The following SLC35F4 variants were observed in gnomAD, a reference collection of about 807,000 sequenced individuals.
SLC35F4 encodes the protein chromosome 14 open reading frame 36.
Under a neutral mutation model 44.2 loss-of-function variants are expected in SLC35F4, and 24 were observed. That is an observed-to-expected ratio of 0.54 (90% confidence interval 0.39 to 0.76). SLC35F4 has a LOEUF of 0.76. Ranked by LOEUF, SLC35F4 falls within the 30% of genes least tolerant of loss-of-function variation. SLC35F4 has a pLI of 0.00. For synonymous variants in SLC35F4, 238 were observed against 223.6 expected (o/e 1.06, Z -0.57); for missense variants, 562 against 586.1 (o/e 0.96, Z 0.42).
intron 1 of SLC35F4, among the ~76,000 whole-genome samples, chr14:57,625,553 A>G (rs975367366): frequency 7.9e-5 from 12 of 152,324 alleles, no homozygotes; most frequent in African/African-American, 2.6e-4. Flanking sequence ...TTCAAACTAT[A>G]CTACAAGGCT....
At chr14:57,579,874 A>T (rs575689678) in intron 4 of SLC35F4, among the ~76,000 whole-genome samples, 155 of 152,212 alleles carry the variant, frequency 1.0e-3, no homozygotes, top group African/African-American at 3.6e-3. Flanking sequence ...TTCATTTTGC[A>T]CTGGGCCCCA....
At chr14:57,634,106 C>T (rs1459505585) in intron 1 of SLC35F4, among the ~76,000 whole-genome samples, 1 of 152,104 alleles carries the variant, frequency 6.6e-6, no homozygotes, top group Non-Finnish European at 1.5e-5. Context: ...ACAACCACAA[C>T]CAGCAATGTG....
chr14:57,653,533 T>A (rs1003439433), intron 1 of SLC35F4, among the ~76,000 whole-genome samples: 1 of 152,192 alleles, frequency 6.6e-6, no homozygotes, highest in African/African-American at 2.4e-5. Flanking sequence ...GTGTCCAACC[T>A]TGTAGGAAGA....
intron 1 of SLC35F4, among the ~76,000 whole-genome samples, chr14:57,807,149 T>C (rs887996072): frequency 1.3e-5 from 2 of 152,236 alleles, no homozygotes; most frequent in East Asian, 3.8e-4. Flanking sequence ...ACTTACTCCA[T>C]TTTGAGGAAG....
chr14:57,768,112 G>A (rs1028123366), intron 1 of SLC35F4, among the ~76,000 whole-genome samples: 5 of 152,126 alleles, frequency 3.3e-5, no homozygotes, highest in Non-Finnish European at 5.9e-5. Flanking sequence ...AAATAGAAGA[G>A]GAGGAAATAT....
In SLC35F4 at chr14:57,891,811, G is replaced by T. The variant is rs142692117; in HGVS notation, n.282+90102C>A. On this transcript the variant is annotated intron_variant and non_coding_transcript_variant, in intron 1 of 1. Transcript: ENST00000556568. ...GAATCTCTTGAACCCAGCAGGTGGA[G>T]GTTGCAGTGAGCCAAGATCATGCCA... Among the ~76,000 whole-genome samples the T allele has an allele frequency of 3.6e-3, 546 of 152,252 alleles. 10 individuals are homozygous for T. The highest frequency in any genetic ancestry group is 0.027 in the East Asian group (142 of 5,186).
chr14:57,960,732 G>A (rs183186475), intron 1 of SLC35F4, among the ~76,000 whole-genome samples: 1 of 152,258 alleles, frequency 6.6e-6, no homozygotes, highest in East Asian at 1.9e-4. Flanking sequence ...GCAGTTTCCT[G>A]GTAGGTAGGC....
At chr14:57,663,986 T>G (rs2074224878) in intron 1 of SLC35F4, among the ~76,000 whole-genome samples, 1 of 143,844 alleles carries the variant, frequency 7.0e-6, no homozygotes, top group Non-Finnish European at 1.5e-5. Flanking sequence ...AAAAGTTGGA[T>G]GTTCAGTTTT....
In SLC35F4 at chr14:57,704,960, G is replaced by A. The variant is rs575496999; in HGVS notation, c.104-110836C>T. On this transcript the variant is annotated intron_variant, in intron 1 of 7. Transcript: ENST00000556826. The stretch of plus-strand genomic sequence containing the variant: ...CAGTGGCTCTTTCCCAATTAGGGTT[G>A]GACAGCAGAGGCTGCTTACTAGCAA... Among the ~76,000 whole-genome samples, 15 of 152,246 alleles carry A rather than the reference G, an allele frequency of 9.9e-5. 1 individual carries two copies. The highest frequency in any genetic ancestry group is 7.2e-4 in the Admixed American group (11 of 15,296).
At chr14:57,736,514 G>C (rs563381779) in intron 1 of SLC35F4, among the ~76,000 whole-genome samples, 1 of 152,166 alleles carries the variant, frequency 6.6e-6, no homozygotes, top group Non-Finnish European at 1.5e-5. Flanking sequence ...GGTCATTAGT[G>C]CACCCCCACG....
intron 1 of SLC35F4, among the ~76,000 whole-genome samples, chr14:57,896,137 T>C (rs1888863718): frequency 6.6e-6 from 1 of 152,260 alleles, no homozygotes; most frequent in East Asian, 1.9e-4. Context: ...CTTCTGGCTA[T>C]GAAGTGGAGA....
intron 1 of SLC35F4, among the ~76,000 whole-genome samples, chr14:57,801,404 A>G (rs1205189745): frequency 2.0e-5 from 3 of 152,346 alleles, no homozygotes; most frequent in East Asian, 3.9e-4. Context: ...ACCAGCCACT[A>G]TAAAAATACA....
intron 1 of SLC35F4, among the ~76,000 whole-genome samples, chr14:57,775,757 A>G (rs993423888): frequency 2.0e-5 from 3 of 152,354 alleles, no homozygotes; most frequent in Non-Finnish European, 2.9e-5. Context: ...CTTTTCTCCA[A>G]ATGATTGCAC....
intron 1 of SLC35F4, among the ~76,000 whole-genome samples, chr14:57,834,233 T>C (rs987971066): frequency 2.6e-5 from 4 of 152,272 alleles, no homozygotes; most frequent in African/African-American, 9.6e-5. Context: ...AAAGAGTGGG[T>C]ACTGAGAAGT....
At chr14:57,602,832 C>T in intron 1 of SLC35F4, among the ~76,000 whole-genome samples, 1 of 152,146 alleles carries the variant, frequency 6.6e-6, no homozygotes, top group East Asian at 1.9e-4. Context: ...TTAACACTTG[C>T]TTGTTTCTAT....
rs139890956 is a variant in SLC35F4 at position 57,871,608 on chromosome 14, A to G, written n.282+110305T>C. Among the ~76,000 whole-genome samples, 402 of 152,240 alleles carry G rather than the reference A, an allele frequency of 2.6e-3. 1 individual carries two copies. Among genetic ancestry groups the G allele is most frequent in the African/African-American group, 9.1e-3 (379 of 41,530 alleles). On this transcript the variant is annotated intron_variant and non_coding_transcript_variant, in intron 1 of 1. Transcript: ENST00000556568. Reference sequence around the variant, plus strand: ...GTAACATTAACTGCTAAAAATGCCAACCCTGCTGTGGTAGTCATTGTTACT... The same window carrying G: ...GTAACATTAACTGCTAAAAATGCCAGCCCTGCTGTGGTAGTCATTGTTACT...
intron 1 of SLC35F4, among the ~76,000 whole-genome samples, chr14:57,643,369 AAAAT>A (rs1255618533): frequency 6.6e-6 from 1 of 152,114 alleles, no homozygotes; most frequent in Non-Finnish European, 1.5e-5. Flanking sequence ...GTGCAATGCT[AAAAT>A]AAATTATCTT....
At chr14:57,799,241 T>C (rs1011115629) in intron 1 of SLC35F4, among the ~76,000 whole-genome samples, 4 of 152,164 alleles carry the variant, frequency 2.6e-5, no homozygotes, top group African/African-American at 9.7e-5. Context: ...GAAGCAGTGA[T>C]TGTGCAGCCC....
chr14:57,703,746 A>T (rs1332334702), intron 1 of SLC35F4, among the ~76,000 whole-genome samples: 1 of 152,234 alleles, frequency 6.6e-6, no homozygotes, highest in African/African-American at 2.4e-5. Flanking sequence ...TTTGTCATTC[A>T]TTCTAAAGGG....
Sources: gnomAD v4.1 joint callset for allele counts (sites outside exome capture counted in the v4.1 genomes callset) on GRCh38, gnomAD v4.1.1 for gene constraint, MANE v1.5 for transcripts, NCBI Gene and HGNC (gene_info 2026-07-23, HGNC 2026-07-21) for gene names.